Variants in RTEL1 observed in about 807,000 individuals in gnomAD.
The protein encoded by RTEL1 is regulator of telomere length.
In RTEL1, 86 loss-of-function variants were observed where a neutral mutation model predicts 162.2. That is an observed-to-expected ratio of 0.53 (90% CI 0.45 to 0.63). RTEL1 has a LOEUF of 0.63. Among genes scored for constraint, RTEL1 ranks in the 30% least tolerant of loss-of-function variants. RTEL1 has a pLI of 0.00. For synonymous variants in RTEL1, 958 were observed against 717.9 expected, an observed-to-expected ratio of 1.33 and a Z score of -5.35; for missense variants, 1,941 against 1,750.2, an observed-to-expected ratio of 1.11 and a Z score of -1.95.
chr20:63,694,873 C>T lies in RTEL1; in HGVS notation c.3242C>T (p.Ala1081Val). ...TCCGCGGGCTGTAGCCAACTCTTGG[C>T]AGCGCTGACAGCCTATAAGCAAGAC... is the stretch of plus-strand genomic sequence containing the variant. ...LGSAGCSQLLAALTAYKQDDD... is the reference protein window; with the variant it reads ...LGSAGCSQLLVALTAYKQDDD... The change falls in exon 32 of 35, where the codon GCA becomes GTA. Residue 1081 changes from alanine to valine, a missense_variant. Transcript: ENST00000360203. 2 of 1,612,666 alleles carry T rather than the reference C, an allele frequency of 1.2e-6. No individual in the cohort carries two copies. Among genetic ancestry groups the T allele is most frequent in the Non-Finnish European group, 1.7e-6 (2 of 1,179,862 alleles).
chr20:63,681,451 G>A (rs2090475821), intron 14 of RTEL1: 1 of 985,360 alleles, frequency 1.0e-6, no homozygotes, highest in Non-Finnish European at 1.2e-6. Flanking sequence ...CCTCTGTGCT[G>A]CCCACGCTGT....
intron 18 of RTEL1, 27 bp from the exon 19 acceptor site, chr20:63,688,112 C>T (rs1239622562): frequency 1.2e-6 from 2 of 1,612,502 alleles, no homozygotes; most frequent in Non-Finnish European, 1.7e-6. Flanking sequence ...GGCCTGAGGT[C>T]CTGAGCAGTG....
At position 63,693,714 on chromosome 20, in the gene RTEL1, A is replaced by T. The variant is rs534483035; in HGVS notation, c.2992+431A>T. ...CACCACCACCACCACCTCCACCACC[A>T]CCACCTGCACCACCACCTCCACCTC... On this transcript the variant is annotated intron_variant, in intron 30 of 34. Transcript: ENST00000360203. Among the ~76,000 whole-genome samples, 53 of 9,568 alleles carry T rather than the reference A, an allele frequency of 5.5e-3. 1 individual carries two copies. Among genetic ancestry groups the T allele is most frequent in the South Asian group, 0.013 (4 of 300 alleles). The allele number at this position is 9,568 out of a possible 152,430, so 6.3% of individuals were successfully genotyped here.
chr20:63,692,167 C>G, intron 28 of RTEL1: 1 of 271,706 alleles, frequency 3.7e-6, no homozygotes, highest in South Asian at 4.8e-5. Context: ...AGCCTTGGAT[C>G]AAAGAACGGA....
rs374429076 is a variant in RTEL1, at chr20:63,685,491, C to G, written c.1192-32C>G. 7 of 1,607,032 alleles carry G rather than the reference C, an allele frequency of 4.4e-6. No individual in the cohort carries two copies. The African/African-American group carries it at 8.0e-5, about 18-fold the overall frequency. ...GCAGAAAGTCGGGTGGCCTCAGGCTCCTGACGGGGCTGCACTTCCTCTGCC... is the reference window on the plus strand; with the variant it reads ...GCAGAAAGTCGGGTGGCCTCAGGCTGCTGACGGGGCTGCACTTCCTCTGCC... On this transcript the variant is annotated intron_variant, in intron 14 of 34. Transcript: ENST00000360203.
rs1275027670 is a variant in RTEL1 at position 63,691,739 on chromosome 20, C to T, written c.2557-3C>T. 1 of 1,611,498 alleles carries T rather than the reference C, an allele frequency of 6.2e-7. No individual in the cohort carries two copies. The highest frequency in any genetic ancestry group is 8.5e-7 in the Non-Finnish European group (1 of 1,178,958). On this transcript the variant is annotated splice_polypyrimidine_tract_variant and splice_region_variant and intron_variant, in intron 27 of 34. Transcript: ENST00000360203. ...GTGTGGTTGTGAGCTGTGTCCTCCT[C>T]AGGCCCACAGCTGCTCCACCCTGTC... is the stretch of plus-strand genomic sequence containing the variant.
chr20:63,695,189 C>T lies in RTEL1; in HGVS notation c.3467C>T (p.Pro1156Leu), dbSNP rs746759990. 6.2e-6 allele frequency: 10 copies of T among 1,612,136 alleles called. No individual in the cohort carries two copies. Among genetic ancestry groups the T allele is most frequent in the South Asian group, 4.4e-5 (4 of 91,074 alleles). Residue 1156 changes from proline (P) to leucine (L), a missense_variant, in exon 33 of 35, where the codon CCT (proline) becomes CTT (leucine). By Grantham distance (98) the Pro-to-Leu change is moderately conservative (BLOSUM62 -3). Transcript: ENST00000360203. ...PGPQEERLAV[P>L]PVLTHRAPQP... ...CCCCAGGAGGAGAGGCTTGCCGTGC[C>T]TCCTGTGCTTACCCACAGGGCTCCC...
rs370637234 is a variant in RTEL1 at position 63,694,898 on chromosome 20, C to T, written c.3267C>T (p.Asp1089=). Residue 1089 remains aspartate, a synonymous_variant, in exon 32 of 35, where the codon GAC becomes GAT. Coordinates refer to ENST00000360203, the MANE Select transcript of RTEL1 (RefSeq NM_001283009.2). ...CAGCGCTGACAGCCTATAAGCAAGA[C>T]GACGACCTCGACAAGGTGCTGGCTG... The part of the protein sequence containing the change: ...LLAALTAYKQ[D]DDLDKVLAVL... 106 of 1,612,634 alleles carry T rather than the reference C, an allele frequency of 6.6e-5. No individual in the cohort carries two copies. The highest frequency in any genetic ancestry group is 1.7e-4 in the Admixed American group (10 of 60,018).
chr20:63,686,059 C>G (rs533852577), intron 16 of RTEL1, 187 bp downstream of exon 16: 6 of 636,632 alleles, frequency 9.4e-6, no homozygotes, highest in Non-Finnish European at 1.7e-5. Context: ...TACTGAGAGA[C>G]GTAGGAGATG....
intron 14 of RTEL1, among the ~76,000 whole-genome samples, chr20:63,683,729 G>C (rs2090526481): frequency 6.6e-6 from 1 of 152,198 alleles, no homozygotes; most frequent in South Asian, 2.1e-4. Context: ...AGCCTGTTGG[G>C]GGCTTTGCGT....
rs554422296 is a variant in RTEL1 at position 63,661,625 on chromosome 20, C to T, written c.301+129C>T. On this transcript the variant is annotated intron_variant, in intron 3 of 34. Transcript: ENST00000360203. The surrounding 1 kb of genome is among the most constrained non-coding windows in gnomAD (Gnocchi z 5.1). ...GCAGAACTCAAGGAGAATTTTTTAG[C>T]TGCTGTATAATTTCTCGCCATCGTG... 3 of 1,069,316 alleles carry T rather than the reference C, an allele frequency of 2.8e-6. No homozygotes were observed. The highest frequency in any genetic ancestry group is 4.0e-6 in the Non-Finnish European group (3 of 750,588). The allele number at this position is 1,069,316 out of a possible 1,614,324, so 66.2% of individuals were successfully genotyped here. A position where few individuals can be genotyped will look rare whatever the true frequency, so the allele number is the denominator to read the frequency against.
intron 28 of RTEL1, 117 bp from the exon 29 acceptor site, chr20:63,692,688 C>G: frequency 1.0e-6 from 1 of 997,982 alleles, no homozygotes; most frequent in Admixed American, 2.2e-5. Flanking sequence ...CAGGCAGCAG[C>G]CCCACCTCGG....
At position 63,688,050 on chromosome 20, in the gene RTEL1, G is replaced by A. The variant is rs750217604; in HGVS notation, c.1595G>A (p.Arg532Gln). The change falls in exon 18 of 35, where the codon CGG (arginine) becomes CAG (glutamine). Residue 532 changes from arginine (R) to glutamine (Q), a missense_variant and splice_region_variant. By Grantham distance (43) the Arg-to-Gln change is conservative. Transcript: ENST00000360203. ...GAQLSSAFDR[R>Q]FSEECLSSLG... ...CAGTTGAGCTCCGCGTTTGACAGACGGTGAGGGCCTGTCCCTGGGCCCTGC... is the reference window on the plus strand; with the variant it reads ...CAGTTGAGCTCCGCGTTTGACAGACAGTGAGGGCCTGTCCCTGGGCCCTGC... The A allele has an allele frequency of 9.3e-6, 15 of 1,612,376 alleles. No homozygotes were observed. The highest frequency in any genetic ancestry group is 8.5e-7 in the Non-Finnish European group (1 of 1,179,760).
intron 14 of RTEL1, among the ~76,000 whole-genome samples, chr20:63,683,410 C>G (rs1177162247): frequency 6.6e-6 from 1 of 152,202 alleles, no homozygotes; most frequent in African/African-American, 2.4e-5. Flanking sequence ...CTGTGTTTAG[C>G]TGTCTTGACA....
intron 30 of RTEL1, 105 bp downstream of exon 30, chr20:63,693,388 C>A: frequency 7.1e-7 from 1 of 1,405,766 alleles, no homozygotes; most frequent in Non-Finnish European, 9.8e-7. Context: ...TGCTTGGCCC[C>A]GCCTCTCTGT....
chr20:63,681,694 G>A (rs896120706), intron 14 of RTEL1: 17 of 985,242 alleles, frequency 1.7e-5, no homozygotes, highest in Non-Finnish European at 2.0e-5. Context: ...GCGAGACCTG[G>A]GCAGGGACCA....
chr20:63,676,850 A>G lies in RTEL1; in HGVS notation c.920-1295A>G, dbSNP rs28587791. Among the ~76,000 whole-genome samples the G allele has an allele frequency of 1.5e-3, 234 of 152,196 alleles. 2 individuals are homozygous for G. The highest frequency in any genetic ancestry group is 5.4e-3 in the African/African-American group (222 of 41,486). ...CTTGGGAGGCTGAGGCAGGAGAATC[A>G]CTTGAACCCAGGAGGCGGAGGTTGC... On this transcript the variant is annotated intron_variant, in intron 10 of 34. Coordinates refer to ENST00000360203, the MANE Select transcript of RTEL1 (RefSeq NM_001283009.2).
chr20:63,690,578 C>G, intron 26 of RTEL1, 137 bp downstream of exon 26: 1 of 1,248,838 alleles, frequency 8.0e-7, no homozygotes, highest in Non-Finnish European at 1.1e-6. Flanking sequence ...AAGGCTGCCT[C>G]TCCCTCCTAG....
At chr20:63,685,309 G>A (rs780420345) in intron 14 of RTEL1, among the ~76,000 whole-genome samples, 3 of 152,180 alleles carry the variant, frequency 2.0e-5, no homozygotes, top group Admixed American at 1.3e-4. Context: ...GGCCTATGTT[G>A]GGGGAACACA....
Sources: allele counts gnomAD v4.1 joint callset (sites outside exome capture counted in the v4.1 genomes callset), GRCh38; gene constraint gnomAD v4.1.1; non-coding constraint Gnocchi (gnomAD v3.1); transcripts MANE v1.5; gene names NCBI Gene and HGNC (gene_info 2026-07-23, HGNC 2026-07-21).